Variants in PLCL2 observed in about 807,000 individuals in gnomAD.
PLCL2 encodes the protein phospholipase C like 2.
Under a neutral mutation model 79.6 loss-of-function variants are expected in PLCL2, and 4 were observed. The observed-to-expected ratio is 0.05, with a 90% CI of 0.02 to 0.11. The LOEUF is 0.11. Ranked by LOEUF, PLCL2 falls within the 10% of genes least tolerant of loss-of-function variation. PLCL2 has a pLI of 1.00. For missense variants in PLCL2, 895 were observed against 1,291.0 expected, an observed-to-expected ratio of 0.69 and a Z score of 4.70; for synonymous variants, 484 against 457.7, an observed-to-expected ratio of 1.06 and a Z score of -0.73.
rs138453223 is a variant in PLCL2, at chr3:16,925,303, G to A, written c.327+39937G>A. ...TGTACACTTAGAATTCCAAAATTCTGTTTGCACATATATTTATCTTAGCCA... is the reference window on the plus strand; with the variant it reads ...TGTACACTTAGAATTCCAAAATTCTATTTGCACATATATTTATCTTAGCCA... On this transcript the variant is annotated intron_variant, in intron 1 of 5. Transcript: ENST00000615277. 1.7e-3 allele frequency among the ~76,000 whole-genome samples: 258 copies of A among 150,818 alleles called. 1 individual carries two copies. The highest frequency in any genetic ancestry group is 4.5e-3 in the African/African-American group (185 of 40,822).
At chr3:16,909,227 G>C (rs1409092215) in intron 1 of PLCL2, among the ~76,000 whole-genome samples, 1 of 152,148 alleles carries the variant, frequency 6.6e-6, no homozygotes, top group Non-Finnish European at 1.5e-5. Flanking sequence ...TCTTGGTGTG[G>C]TAACTTAAAA....
At chr3:16,890,827 C>T (rs753554186) in intron 1 of PLCL2, among the ~76,000 whole-genome samples, 5 of 152,174 alleles carry the variant, frequency 3.3e-5, no homozygotes, top group African/African-American at 7.2e-5. Context: ...AAGTCAGAGC[C>T]GCTAGAGCCA....
chr3:17,034,595 TCTTA>T (rs1266437046), intron 3 of PLCL2, among the ~76,000 whole-genome samples: 1 of 152,226 alleles, frequency 6.6e-6, no homozygotes, highest in Non-Finnish European at 1.5e-5. Flanking sequence ...TAAATAATGA[TCTTA>T]CTTGTTTTCA....
intron 4 of PLCL2, among the ~76,000 whole-genome samples, chr3:17,048,657 T>C (rs1464043769): frequency 6.6e-6 from 1 of 152,212 alleles, no homozygotes; most frequent in Non-Finnish European, 1.5e-5. Context: ...AATAATTTCA[T>C]AGCCACCTCC....
chr3:17,029,798 C>A (rs765279680), intron 3 of PLCL2, among the ~76,000 whole-genome samples: 1 of 152,154 alleles, frequency 6.6e-6, no homozygotes. Flanking sequence ...CTCCCCTTCC[C>A]CTCAACCACA....
At chr3:17,052,235 G>A (rs1220400217) in intron 4 of PLCL2, among the ~76,000 whole-genome samples, 3 of 74,418 alleles carry the variant, frequency 4.0e-5, no homozygotes, top group African/African-American at 5.6e-5. Flanking sequence ...TGTGAATATG[G>A]CAAAAAAAAA....
At chr3:17,084,584 T>C (rs991429201) in intron 5 of PLCL2, among the ~76,000 whole-genome samples, 51 of 152,324 alleles carry the variant, frequency 3.3e-4, no homozygotes, top group African/African-American at 1.2e-3. Context: ...TTCACCATGA[T>C]CAAATGGGAT....
chr3:16,932,577 T>C (rs879134520), intron 1 of PLCL2, among the ~76,000 whole-genome samples: 1 of 152,240 alleles, frequency 6.6e-6, no homozygotes, highest in Non-Finnish European at 1.5e-5. Flanking sequence ...ATATTTTGTT[T>C]GGGATTTCTG....
intron 1 of PLCL2, among the ~76,000 whole-genome samples, chr3:16,952,273 C>T (rs1276117332): frequency 6.9e-6 from 1 of 145,378 alleles, no homozygotes; most frequent in Non-Finnish European, 1.5e-5. Context: ...GTGCAGCAAA[C>T]CACCATGGCA....
At chr3:16,911,205 A>G (rs1375358149) in intron 1 of PLCL2, among the ~76,000 whole-genome samples, 1 of 150,504 alleles carries the variant, frequency 6.6e-6, no homozygotes, top group Non-Finnish European at 1.5e-5. Flanking sequence ...GTGAGCCGAG[A>G]TAGCGCCACT....
chr3:17,037,178 G>A (rs2064667066), intron 3 of PLCL2, among the ~76,000 whole-genome samples: 1 of 152,164 alleles, frequency 6.6e-6, no homozygotes, highest in African/African-American at 2.4e-5. Flanking sequence ...GGAGTCCAGA[G>A]AAGCAAGTCC....
At position 17,068,070 on chromosome 3, in the gene PLCL2, C is replaced by T. The variant is rs548478071; in HGVS notation, c.3204+5C>T. The T allele has an allele frequency of 4.0e-5, 60 of 1,505,614 alleles. No individual in the cohort carries two copies. The African/African-American group carries it at 5.8e-4, about 15-fold the overall frequency. 93.3% of individuals were successfully genotyped at this position (1,505,614 alleles called of 1,614,324 possible). A position where few individuals can be genotyped will look rare whatever the true frequency, so the allele number is the denominator to read the frequency against. Reference sequence around the variant, plus strand: ...TGGAATATTACCATCTTAAAGGTATCTATAGAGTTGTTTCTGATGCTGGTG... The same window carrying T: ...TGGAATATTACCATCTTAAAGGTATTTATAGAGTTGTTTCTGATGCTGGTG... On this transcript the variant is annotated splice_donor_5th_base_variant and intron_variant, in intron 5 of 5. Coordinates refer to ENST00000615277, the MANE Select transcript of PLCL2 (RefSeq NM_001144382.2).
In PLCL2 at chr3:17,029,266, C is replaced by T. The variant is rs190430940; in HGVS notation, c.3019-13608C>T. Among the ~76,000 whole-genome samples, 574 of 151,798 alleles carry T rather than the reference C, an allele frequency of 3.8e-3. 2 individuals are homozygous for T. Among genetic ancestry groups the T allele is most frequent in the African/African-American group, 0.013 (550 of 41,418 alleles). ...GGATCTTTCACCTCTTGTTCAGACC[C>T]TAGATGTCTCCCCAGCTTTTATCAG... On this transcript the variant is annotated intron_variant, in intron 3 of 5. Transcript: ENST00000615277.
rs1206165276 is a variant in PLCL2 at position 17,012,131 on chromosome 3, G to A, written c.2785G>A (p.Asp929Asn). 1.2e-6 allele frequency: 2 copies of A among 1,613,142 alleles called. No homozygotes were observed. Among genetic ancestry groups the A allele is most frequent in the Non-Finnish European group, 1.7e-6 (2 of 1,179,266 alleles). Reference sequence around the variant, plus strand: ...CAAGAATGCCCAGCCCCCTATACGGGATGCCACAGATCTGAGAGAAAACAT... The same window carrying A: ...CAAGAATGCCCAGCCCCCTATACGGAATGCCACAGATCTGAGAGAAAACAT... ...VFKNAQPPIRDATDLRENMQN... is the reference protein window; with the variant it reads ...VFKNAQPPIRNATDLRENMQN... The change falls in exon 2 of 6, where the codon GAT becomes AAT. Residue 929 changes from aspartate (D) to asparagine (N), a missense_variant. This residue lies in a region of PLCL2 where 298 missense variants were observed against 459.6 expected (regional missense o/e 0.65). Transcript: ENST00000615277.
chr3:17,036,888 G>T (rs995074942), intron 3 of PLCL2, among the ~76,000 whole-genome samples: 1 of 152,138 alleles, frequency 6.6e-6, no homozygotes, highest in Non-Finnish European at 1.5e-5. Flanking sequence ...GAGACAGAAG[G>T]GCATGCTAGC....
intron 1 of PLCL2, among the ~76,000 whole-genome samples, chr3:16,971,616 C>T (rs1575562207): frequency 6.6e-6 from 1 of 152,234 alleles, no homozygotes; most frequent in Admixed American, 6.5e-5. Context: ...GGGGATGGCA[C>T]TGAATCTATA....
chr3:16,940,175 C>T (rs925930864), intron 1 of PLCL2, among the ~76,000 whole-genome samples: 5 of 152,160 alleles, frequency 3.3e-5, no homozygotes, highest in African/African-American at 1.2e-4. Flanking sequence ...CCAGCACCTC[C>T]ATTGAGTTCT....
chr3:17,062,903 C>T (rs764062264), intron 4 of PLCL2, among the ~76,000 whole-genome samples: 1 of 152,042 alleles, frequency 6.6e-6, no homozygotes, highest in Non-Finnish European at 1.5e-5. Context: ...TAAGCAGCGG[C>T]GGCAGCAGCA....
At chr3:16,930,125 A>G (rs1228240322) in intron 1 of PLCL2, among the ~76,000 whole-genome samples, 1 of 152,248 alleles carries the variant, frequency 6.6e-6, no homozygotes, top group Non-Finnish European at 1.5e-5. Context: ...GCTCTTCTGC[A>G]GTAAAGATTC....
Sources: gnomAD v4.1 joint callset for allele counts (sites outside exome capture counted in the v4.1 genomes callset) on GRCh38, gnomAD v4.1.1 for gene constraint, gnomAD v4.1.1 regional missense constraint, MANE v1.5 for transcripts, NCBI Gene and HGNC (gene_info 2026-07-23, HGNC 2026-07-21) for gene names.